ARB2A: variants seen among roughly 807,000 people sequenced by gnomAD.
The protein encoded by ARB2A is cotranscriptional regulator ARB2A.
the ARB2A span, among the ~76,000 whole-genome samples, chr5:93,693,771 A>G: frequency 1.3e-5 from 2 of 152,202 alleles, no homozygotes; most frequent in Admixed American, 6.5e-5. Flanking sequence ...TCTCTCATGA[A>G]CATCGATGCG....
At chr5:93,686,921 T>C in the ARB2A span, among the ~76,000 whole-genome samples, 4 of 152,230 alleles carry the variant, frequency 2.6e-5, no homozygotes, top group Non-Finnish European at 2.9e-5. Flanking sequence ...GAGGGACTTA[T>C]GGCATGACAA....
the ARB2A span, among the ~76,000 whole-genome samples, chr5:94,026,341 G>A: frequency 2.0e-5 from 3 of 151,858 alleles, no homozygotes; most frequent in African/African-American, 4.8e-5. Flanking sequence ...ACCCACATTC[G>A]GTGGGTCTTG....
chr5:93,943,788 T>C, the ARB2A span, among the ~76,000 whole-genome samples: 1 of 152,152 alleles, frequency 6.6e-6, no homozygotes, highest in Non-Finnish European at 1.5e-5. Flanking sequence ...TAACCATCTA[T>C]AATGGCTCCA....
the ARB2A span, among the ~76,000 whole-genome samples, chr5:93,787,062 A>G: frequency 6.6e-6 from 1 of 152,166 alleles, no homozygotes; most frequent in Non-Finnish European, 1.5e-5. Flanking sequence ...GGATCCATTG[A>G]TATTAAACAA....
chr5:93,914,588 A>T, the ARB2A span, among the ~76,000 whole-genome samples: 1 of 152,030 alleles, frequency 6.6e-6, no homozygotes, highest in Non-Finnish European at 1.5e-5. Context: ...TTAAACTATT[A>T]GAATAAGATA....
At chr5:93,637,354 G>GTTTTTTTTTT in the ARB2A span, among the ~76,000 whole-genome samples, 79 of 116,056 alleles carry the variant, frequency 6.8e-4, no homozygotes, top group East Asian at 1.9e-3. Flanking sequence ...GGGTTGTTTA[G>GTTTTTTTTTT]TTTTTTTTTT....
chr5:93,664,735 A>G, the ARB2A span, among the ~76,000 whole-genome samples: 1 of 151,866 alleles, frequency 6.6e-6, no homozygotes, highest in Non-Finnish European at 1.5e-5. Flanking sequence ...AAATAGGTAT[A>G]ATATATTAGC....
the ARB2A span, among the ~76,000 whole-genome samples, chr5:93,979,060 A>C: frequency 1.3e-5 from 2 of 152,152 alleles, no homozygotes; most frequent in African/African-American, 4.8e-5. Context: ...AATACCCCAC[A>C]TACCCTGTCT....
the ARB2A span, among the ~76,000 whole-genome samples, chr5:93,898,481 C>T: frequency 6.6e-6 from 1 of 152,044 alleles, no homozygotes; most frequent in Non-Finnish European, 1.5e-5. Context: ...CCTTCCTTCT[C>T]ACTTTTCTGA....
chr5:93,750,389 T>C, the ARB2A span, among the ~76,000 whole-genome samples: 1 of 152,238 alleles, frequency 6.6e-6, no homozygotes, highest in Non-Finnish European at 1.5e-5. Flanking sequence ...GGCAAAAATC[T>C]AAACTACAGT....
At chr5:93,968,276 T>C in the ARB2A span, among the ~76,000 whole-genome samples, 88 of 152,176 alleles carry the variant, frequency 5.8e-4, 1 homozygote, top group Middle Eastern at 3.4e-3. Context: ...ATCATCAGAT[T>C]AGGAATTTAA....
the ARB2A span, chr5:93,865,813 T>C: frequency 8.1e-6 from 8 of 985,414 alleles, no homozygotes; most frequent in Middle Eastern, 5.2e-4. Context: ...GAGGAGTCAC[T>C]ACTTGCCGAA....
At chr5:93,794,845 T>A in the ARB2A span, among the ~76,000 whole-genome samples, 1 of 152,020 alleles carries the variant, frequency 6.6e-6, no homozygotes, top group African/African-American at 2.4e-5. Flanking sequence ...TCTGTGAGGG[T>A]CCTTGGTTGT....
the ARB2A span, among the ~76,000 whole-genome samples, chr5:93,985,580 C>T: frequency 3.9e-5 from 6 of 152,276 alleles, no homozygotes; most frequent in East Asian, 3.9e-4. Flanking sequence ...CGCGCCGCCA[C>T]GCCTGACTGG....
At chr5:94,075,425 G>A in the ARB2A span, among the ~76,000 whole-genome samples, 2 of 151,724 alleles carry the variant, frequency 1.3e-5, no homozygotes, top group Non-Finnish European at 2.9e-5. Flanking sequence ...CTCTACTTTG[G>A]CCAAAGGGAA....
the ARB2A span, among the ~76,000 whole-genome samples, chr5:93,685,031 G>T: frequency 6.6e-6 from 1 of 152,148 alleles, no homozygotes; most frequent in Non-Finnish European, 1.5e-5. Flanking sequence ...TTATATTTCT[G>T]TAAAGTGCCT....
At chr5:93,922,806 G>A in the ARB2A span, among the ~76,000 whole-genome samples, 1,783 of 152,160 alleles carry the variant, frequency 0.012, 38 homozygotes, top group African/African-American at 0.04. Flanking sequence ...ATTAGACAAC[G>A]TGGCGGAAGC....
chr5:93,690,258 C>A, the ARB2A span, among the ~76,000 whole-genome samples: 1 of 152,156 alleles, frequency 6.6e-6, no homozygotes, highest in East Asian at 1.9e-4. Context: ...TGGTCTAGCT[C>A]AGTGGATCCC....
At chr5:93,828,307 C>T in the ARB2A span, among the ~76,000 whole-genome samples, 1 of 152,162 alleles carries the variant, frequency 6.6e-6, no homozygotes, top group African/African-American at 2.4e-5. Context: ...AGGTCCTTCA[C>T]ATCCCTTGTA....
Sources: allele counts gnomAD v4.1 joint callset (sites outside exome capture counted in the v4.1 genomes callset), GRCh38; gene constraint gnomAD v4.1.1; transcripts MANE v1.5; gene names NCBI Gene and HGNC (gene_info 2026-07-23, HGNC 2026-07-21).